The following METTL25 variants were observed in gnomAD, a reference collection of about 807,000 sequenced individuals.
METTL25 encodes probable methyltransferase-like protein 25.
In METTL25, 64 loss-of-function variants were observed where a neutral mutation model predicts 71.6. The ratio of observed to expected loss-of-function variants is 0.89; its 90% CI spans 0.73 to 1.10. The LOEUF is 1.10. METTL25 is among the 50% of genes least tolerant of loss of function. The probability of loss-of-function intolerance (pLI) is 0.00; values close to 1 mark genes in which losing one functional copy is unlikely to be tolerated. For missense variants in METTL25, 807 were observed against 707.0 expected (o/e 1.14, Z -1.60); for synonymous variants, 287 against 250.3 (o/e 1.15, Z -1.38).
intron 5 of METTL25, among the ~76,000 whole-genome samples, chr12:82,419,549 C>A (rs555592254): frequency 6.6e-6 from 1 of 152,072 alleles, no homozygotes; most frequent in East Asian, 1.9e-4. Context: ...CATGCAGAAC[C>A]CCGTAAGTTC....
chr12:82,360,060 A>G (rs527763549), intron 1 of METTL25, among the ~76,000 whole-genome samples: 1 of 152,348 alleles, frequency 6.6e-6, no homozygotes, highest in African/African-American at 2.4e-5. Context: ...TATTCCCAGC[A>G]CTTGGTAAAA....
intron 10 of METTL25, 38 bp from the exon 11 acceptor site, chr12:82,477,243 A>C (rs764071846): frequency 2.2e-6 from 2 of 914,814 alleles, no homozygotes; most frequent in African/African-American, 3.4e-5. Flanking sequence ...TTTTTTTTTA[A>C]GTACCACCAA....
At chr12:82,415,874 A>G (rs1462322138) in intron 5 of METTL25, among the ~76,000 whole-genome samples, 1 of 152,154 alleles carries the variant, frequency 6.6e-6, no homozygotes, top group Non-Finnish European at 1.5e-5. Context: ...TGGCTCAGTC[A>G]AGTTGACACA....
chr12:82,431,978 A>G (rs1055050647), intron 6 of METTL25, among the ~76,000 whole-genome samples: 3 of 151,732 alleles, frequency 2.0e-5, no homozygotes, highest in Non-Finnish European at 4.4e-5. Flanking sequence ...AAATTATAGT[A>G]TCTACTGAAT....
At chr12:82,477,752 G>A (rs1565894189) in intron 11 of METTL25, among the ~76,000 whole-genome samples, 1 of 151,712 alleles carries the variant, frequency 6.6e-6, no homozygotes, top group Non-Finnish European at 1.5e-5. Flanking sequence ...CTGCAGAATA[G>A]AAACTTCTTT....
intron 4 of METTL25, among the ~76,000 whole-genome samples, chr12:82,402,322 G>A (rs1467776460): frequency 1.3e-5 from 2 of 151,992 alleles, no homozygotes; most frequent in Non-Finnish European, 2.9e-5. Context: ...GTTTTGATGG[G>A]CAATCTGAGA....
chr12:82,443,880 A>G (rs1464742822), intron 8 of METTL25, among the ~76,000 whole-genome samples: 4 of 152,162 alleles, frequency 2.6e-5, no homozygotes, highest in Admixed American at 1.3e-4. Context: ...GTCTGCCCCT[A>G]TGGCCTAAAC....
At chr12:82,387,346 G>C (rs1448107789) in intron 2 of METTL25, among the ~76,000 whole-genome samples, 2 of 151,888 alleles carry the variant, frequency 1.3e-5, no homozygotes, top group African/African-American at 4.8e-5. Context: ...TTGGGGATGT[G>C]GGGAGAAGCA....
chr12:82,391,795 G>A (rs1885613801), intron 3 of METTL25, among the ~76,000 whole-genome samples: 1 of 145,926 alleles, frequency 6.9e-6, no homozygotes, highest in Non-Finnish European at 1.5e-5. Context: ...TATTTTTAGT[G>A]TTTTGAAGAA....
In METTL25 at chr12:82,396,728, T is replaced by C. The variant is rs142294807; in HGVS notation, c.532-2067T>C. ...ACTAGCATAATTAAGAATATACCTA[T>C]CCTCCTAAAAACTTTTCTTGTGTGA... On this transcript the variant is annotated intron_variant, in intron 3 of 11. Coordinates refer to ENST00000248306, the MANE Select transcript of METTL25 (RefSeq NM_032230.3). Among the ~76,000 whole-genome samples the C allele has an allele frequency of 3.7e-3, 563 of 152,212 alleles. 3 individuals carry two copies. The highest frequency in any genetic ancestry group is 0.013 in the African/African-American group (538 of 41,558).
At position 82,386,964 on chromosome 12, in the gene METTL25, AT is replaced by A; in HGVS notation, c.423del (p.Ile141MetfsTer11). On this transcript the variant is annotated frameshift_variant and splice_region_variant, in exon 2 of 12. Transcript: ENST00000248306. LOFTEE classifies it high-confidence loss of function. ...CCTTCGAGGAAATCAAAACCAGAGA[AT>A]TGGTATGTCTATTTATGTGTGTGTA... ...VALRGNQNQR[I>X]GENQKAVEFM... The A allele has an allele frequency of 1.2e-6, 2 of 1,612,130 alleles. No homozygotes were observed. Among genetic ancestry groups the A allele is most frequent in the Non-Finnish European group, 1.7e-6 (2 of 1,178,896 alleles).
intron 5 of METTL25, among the ~76,000 whole-genome samples, chr12:82,409,940 G>T (rs1887421969): frequency 6.6e-6 from 1 of 152,078 alleles, no homozygotes; most frequent in South Asian, 2.1e-4. Flanking sequence ...CTATCCTAGT[G>T]TAGATTGTTT....
intron 1 of METTL25, among the ~76,000 whole-genome samples, chr12:82,384,108 T>G (rs1884721694): frequency 6.6e-6 from 1 of 152,156 alleles, no homozygotes; most frequent in Non-Finnish European, 1.5e-5. Flanking sequence ...GAGGGAGATG[T>G]AGGCCAAACA....
chr12:82,379,195 T>C (rs1884183852), intron 1 of METTL25, among the ~76,000 whole-genome samples: 1 of 152,178 alleles, frequency 6.6e-6, no homozygotes, highest in Admixed American at 6.5e-5. Flanking sequence ...TTTGAGGTGC[T>C]GTGGGGCAGT....
chr12:82,391,632 A>G (rs913812667), intron 3 of METTL25, among the ~76,000 whole-genome samples: 1 of 151,616 alleles, frequency 6.6e-6, no homozygotes, highest in African/African-American at 2.4e-5. Context: ...AAATTCATTG[A>G]TGGACACTTA....
chr12:82,381,497 T>TA (rs1422057264), intron 1 of METTL25, among the ~76,000 whole-genome samples: 1 of 152,228 alleles, frequency 6.6e-6, no homozygotes, highest in African/African-American at 2.4e-5. Context: ...TATGCAACTA[T>TA]AAAGTGAGCT....
In METTL25 at chr12:82,389,816, G is replaced by A. The variant is rs200647668; in HGVS notation, c.425G>A (p.Gly142Asp). The A allele has an allele frequency of 6.2e-5, 98 of 1,570,512 alleles. No homozygotes were observed. The highest frequency in any genetic ancestry group is 8.2e-5 in the Non-Finnish European group (94 of 1,145,946). The change falls in exon 3 of 12, where the codon GGT becomes GAT. Residue 142 changes from glycine to aspartate, a missense_variant and splice_region_variant. Gly to Asp is a moderately conservative substitution (Grantham distance 94, BLOSUM62 -1). Transcript: ENST00000248306. ...CAGTTTTTACTTTTATTTTCATTAG[G>A]TGAAAATCAGAAGGCAGTTGAGTTT... is the stretch of plus-strand genomic sequence containing the variant. ...ALRGNQNQRI[G>D]ENQKAVEFMN... is the part of the protein sequence containing the mutation.
At chr12:82,405,533 A>T (rs1484235303) in intron 5 of METTL25, among the ~76,000 whole-genome samples, 1 of 152,144 alleles carries the variant, frequency 6.6e-6, no homozygotes, top group African/African-American at 2.4e-5. Context: ...GCCAGGATTG[A>T]AAAAAGAAAT....
chr12:82,401,822 A>T (rs973639506), intron 4 of METTL25, among the ~76,000 whole-genome samples: 1 of 152,088 alleles, frequency 6.6e-6, no homozygotes, highest in Non-Finnish European at 1.5e-5. Flanking sequence ...ACACTAAAAC[A>T]TGATCTTTAC....
Sources: gnomAD v4.1 joint callset for allele counts (sites outside exome capture counted in the v4.1 genomes callset) on GRCh38, gnomAD v4.1.1 for gene constraint, MANE v1.5 for transcripts, NCBI Gene and HGNC (gene_info 2026-07-23, HGNC 2026-07-21) for gene names.